Variants in TCF12 observed in about 807,000 individuals in gnomAD.
TCF12 encodes the protein DNA-binding protein HTF4.
Under a neutral mutation model 86.0 loss-of-function variants are expected in TCF12, and 45 were observed. The observed-to-expected ratio is 0.52, with a 90% confidence interval of 0.41 to 0.67. The LOEUF (loss-of-function observed/expected upper bound fraction) is 0.67, where lower values mean the gene tolerates loss of function less well. Ranked by LOEUF, TCF12 falls within the 30% of genes least tolerant of loss-of-function variation. The pLI, the probability that TCF12 is intolerant of heterozygous loss-of-function variation, is 0.00. For synonymous variants in TCF12, 330 were observed against 299.6 expected (o/e 1.10, Z -1.05); for missense variants, 881 against 859.9 (o/e 1.02, Z -0.31).
At chr15:56,953,125 A>C (rs755576839) in intron 3 of TCF12, among the ~76,000 whole-genome samples, 4 of 151,974 alleles carry the variant, frequency 2.6e-5, no homozygotes, top group Non-Finnish European at 5.9e-5. Context: ...TTTCTTTGTT[A>C]ATTCGTTAGT....
intron 3 of TCF12, among the ~76,000 whole-genome samples, chr15:57,032,485 C>T (rs1312204266): frequency 2.0e-5 from 3 of 152,172 alleles, no homozygotes; most frequent in Non-Finnish European, 2.9e-5. Flanking sequence ...CTGGAGTGCG[C>T]TGGCACAATC....
intron 3 of TCF12, among the ~76,000 whole-genome samples, chr15:57,002,201 G>A (rs1489862211): frequency 6.6e-6 from 1 of 152,154 alleles, no homozygotes; most frequent in African/African-American, 2.4e-5. Context: ...TGTTGTGTGT[G>A]CAAGATGAAG....
intron 15 of TCF12, 89 bp from the exon 16 acceptor site, chr15:57,253,173 T>A: frequency 1.4e-6 from 2 of 1,428,752 alleles, no homozygotes; most frequent in Non-Finnish European, 2.0e-6. Flanking sequence ...CTTGCTATCT[T>A]CCACATATCA....
chr15:57,245,022 A>G lies in TCF12; in HGVS notation c.1114+1472A>G, dbSNP rs114490644. 5.0e-3 allele frequency among the ~76,000 whole-genome samples: 764 copies of G among 152,322 alleles called. 6 individuals are homozygous for G. The highest frequency in any genetic ancestry group is 0.017 in the African/African-American group (708 of 41,572). ...AATATGTTAGATTGTTTTGAGGAAA[A>G]GGCATTTGGCAACTGGGTAAAGTTA... is the stretch of plus-strand genomic sequence containing the variant. On this transcript the variant is annotated intron_variant, in intron 13 of 20. Transcript: ENST00000333725.
chr15:57,196,218 T>C (rs542102006), intron 7 of TCF12, among the ~76,000 whole-genome samples: 1 of 152,274 alleles, frequency 6.6e-6, no homozygotes, highest in East Asian at 1.9e-4. Context: ...ATGCATAGAC[T>C]TATTTTTTTC....
chr15:57,269,360 C>CTTTTTTTTTTTTTTTTTTTT (rs56700978), intron 18 of TCF12, among the ~76,000 whole-genome samples: 2 of 32,000 alleles, frequency 6.3e-5, no homozygotes, highest in Non-Finnish European at 1.0e-4. Context: ...ACAACCCCTG[C>CTTTTTTTTTTTTTTTTTTTT]TTTTTTTTTT....
chr15:57,071,731 A>T (rs1378711227), intron 4 of TCF12, among the ~76,000 whole-genome samples: 4 of 152,258 alleles, frequency 2.6e-5, no homozygotes, highest in African/African-American at 9.6e-5. Flanking sequence ...TACGAAAATA[A>T]TTTTCTTGGC....
intron 4 of TCF12, among the ~76,000 whole-genome samples, chr15:57,091,164 G>A (rs1273296739): frequency 6.6e-6 from 1 of 152,010 alleles, no homozygotes; most frequent in African/African-American, 2.4e-5. Context: ...GTTTCTGTAG[G>A]AGTATATATT....
At chr15:56,970,537 A>G (rs1028360550) in intron 3 of TCF12, among the ~76,000 whole-genome samples, 1 of 151,296 alleles carries the variant, frequency 6.6e-6, no homozygotes, top group Non-Finnish European at 1.5e-5. Flanking sequence ...AAATGAAACA[A>G]TGGAACAGAG....
At chr15:56,992,543 G>GC (rs1193874049) in intron 3 of TCF12, among the ~76,000 whole-genome samples, 49 of 152,278 alleles carry the variant, frequency 3.2e-4, no homozygotes, top group African/African-American at 1.1e-3. Flanking sequence ...CTAATCACCT[G>GC]TAAATGGATC....
intron 3 of TCF12, among the ~76,000 whole-genome samples, chr15:57,019,737 T>C (rs1436084616): frequency 6.8e-6 from 1 of 147,268 alleles, no homozygotes; most frequent in Admixed American, 6.9e-5. Flanking sequence ...TCAATAGTGA[T>C]GTTATCTATA....
At chr15:56,977,215 G>A (rs768200237) in intron 3 of TCF12, among the ~76,000 whole-genome samples, 110 of 152,086 alleles carry the variant, frequency 7.2e-4, no homozygotes, top group Non-Finnish European at 1.4e-3. Flanking sequence ...ACATATGGGG[G>A]AAAATTTTTT....
rs1188732144 is a variant in TCF12, at chr15:57,154,688, A to G, written c.326-11714A>G. ...AAGAGATCCAGTTACCCATTCATTA[A>G]TGCTAAGAAGAGTGACGCCGTTAAA... On this transcript the variant is annotated intron_variant, in intron 5 of 20. Coordinates refer to ENST00000333725, the MANE Select transcript of TCF12 (RefSeq NM_207037.2). 5.3e-5 allele frequency among the ~76,000 whole-genome samples: 8 copies of G among 152,176 alleles called. No individual in the cohort carries two copies. The South Asian group carries it at 1.4e-3, about 28-fold the overall frequency.
chr15:56,988,133 T>C (rs1359647565), intron 3 of TCF12, among the ~76,000 whole-genome samples: 3 of 152,168 alleles, frequency 2.0e-5, no homozygotes, highest in African/African-American at 7.2e-5. Flanking sequence ...TTAGCAGAAA[T>C]ACCATTTTAA....
chr15:56,987,172 C>T (rs148285507), intron 3 of TCF12, among the ~76,000 whole-genome samples: 37 of 151,960 alleles, frequency 2.4e-4, no homozygotes, highest in African/African-American at 6.5e-4. Flanking sequence ...AGTTCAGTGG[C>T]GCAATCTGGG....
intron 3 of TCF12, among the ~76,000 whole-genome samples, chr15:56,967,454 T>C (rs1407775643): frequency 6.6e-6 from 1 of 152,214 alleles, no homozygotes; most frequent in Non-Finnish European, 1.5e-5. Flanking sequence ...TTCCTGAAAC[T>C]CTTGGCTCTT....
chr15:57,075,800 T>TCTCTCTCTCTCTCTCTC (rs1567370475), intron 4 of TCF12, among the ~76,000 whole-genome samples: 3 of 20,508 alleles, frequency 1.5e-4, no homozygotes, highest in Middle Eastern at 0.024. Flanking sequence ...CTTTCTTTCT[T>TCTCTCTCTCTCTCTCTC]TCTTTCTCTC....
chr15:57,133,151 A>G (rs2052264490), intron 5 of TCF12, among the ~76,000 whole-genome samples: 1 of 152,184 alleles, frequency 6.6e-6, no homozygotes, highest in Non-Finnish European at 1.5e-5. Flanking sequence ...TTTGTGTAGG[A>G]TACAAGCCTT....
At chr15:57,105,945 T>A (rs540716236) in intron 5 of TCF12, among the ~76,000 whole-genome samples, 9 of 152,258 alleles carry the variant, frequency 5.9e-5, no homozygotes, top group African/African-American at 1.9e-4. Flanking sequence ...AGCATAGGGA[T>A]AAAAAGCAGA....
Sources: allele counts gnomAD v4.1 joint callset (sites outside exome capture counted in the v4.1 genomes callset), GRCh38; gene constraint gnomAD v4.1.1; transcripts MANE v1.5; gene names NCBI Gene and HGNC (gene_info 2026-07-23, HGNC 2026-07-21).